Variants in KMT2B observed in about 807,000 individuals in gnomAD.
KMT2B encodes the protein histone-lysine N-methyltransferase 2B.
In KMT2B, 22 loss-of-function variants were observed where a neutral mutation model predicts 255.3. The ratio of observed to expected loss-of-function variants is 0.09; its 90% confidence interval spans 0.06 to 0.12. KMT2B has a LOEUF of 0.12. Ranked by LOEUF, KMT2B falls within the 10% of genes least tolerant of loss-of-function variation. KMT2B has a pLI of 1.00. For synonymous variants in KMT2B, 1,730 were observed against 1,498.1 expected, an observed-to-expected ratio of 1.15 and a Z score of -3.57; for missense variants, 3,149 against 3,737.0, an observed-to-expected ratio of 0.84 and a Z score of 4.10.
intron 5 of KMT2B, 117 bp from the exon 6 acceptor site, chr19:35,722,878 G>A (rs1969277423): frequency 2.8e-6 from 4 of 1,418,248 alleles, no homozygotes; most frequent in Non-Finnish European, 3.7e-6. Context: ...TCATTTGGGG[G>A]CACCAGGAAC....
In KMT2B at chr19:35,727,869, A is replaced by T. The variant is rs540713866; in HGVS notation, c.4393-12A>T. 6.2e-7 allele frequency: 1 copy of T among 1,609,768 alleles called. No individual in the cohort carries two copies. Among genetic ancestry groups the T allele is most frequent in the Non-Finnish European group, 8.5e-7 (1 of 1,177,100 alleles). ...GCAGAGGGGACTCAGTCTCTGACAA[A>T]CCCCCTTACAGCACAGCTTCATGGA... On this transcript the variant is annotated splice_polypyrimidine_tract_variant and intron_variant, in intron 17 of 36. Coordinates refer to ENST00000420124, the MANE Select transcript of KMT2B (RefSeq NM_014727.3). This position sits in a 1 kb window ranked among gnomAD's most constrained non-coding sequence, Gnocchi z 4.2.
chr19:35,732,039 C>T lies in KMT2B; in HGVS notation c.5569C>T (p.Pro1857Ser), dbSNP rs1969717726. Reference protein sequence around the residue: ...PDSGSAPPPAPRSFSGARIKV... With the variant: ...PDSGSAPPPASRSFSGARIKV... ...TTCAGGCAGCGCCCCTCCTCCAGCC[C>T]CCCGTTCTTTTTCGGGGGCTCGAAT... Residue 1857 changes from proline to serine, a missense_variant, in exon 27 of 37, where the codon CCC (proline) becomes TCC (serine). Pro to Ser is a moderately conservative substitution (Grantham distance 74). Coordinates refer to ENST00000420124, the MANE Select transcript of KMT2B (RefSeq NM_014727.3). 1 of 1,612,876 alleles carries T rather than the reference C, an allele frequency of 6.2e-7. No homozygotes were observed. Among genetic ancestry groups the T allele is most frequent in the East Asian group, 2.2e-5 (1 of 44,818 alleles).
chr19:35,723,986 C>T lies in KMT2B; in HGVS notation c.3313C>T (p.Arg1105Cys), dbSNP rs1303371875. The change falls in exon 8 of 37, where the codon CGT becomes TGT. Residue 1105 changes from arginine to cysteine, a missense_variant. Around this residue, in one of 18 missense-constraint regions of KMT2B, gnomAD observed 136 missense variants for 137.3 expected, o/e 0.99. Coordinates refer to ENST00000420124, the MANE Select transcript of KMT2B (RefSeq NM_014727.3). This position sits in a 1 kb window ranked among gnomAD's most constrained non-coding sequence, Gnocchi z 7.5. ...SEPGGPPAPR[R>C]RTPRENELPL... ...GCCCGGGGGCCCCCCTGCTCCTCGG[C>T]GTCGGACCCCCCGAGAAAATGGTGC... The T allele has an allele frequency of 5.0e-6, 8 of 1,593,658 alleles. No homozygotes were observed. Among genetic ancestry groups the T allele is most frequent in the South Asian group, 1.1e-5 (1 of 90,514 alleles).
chr19:35,734,339 A>G (rs1245273819), intron 30 of KMT2B, among the ~76,000 whole-genome samples: 2 of 152,074 alleles, frequency 1.3e-5, no homozygotes, highest in Non-Finnish European at 2.9e-5. Flanking sequence ...TGTGGAGTCT[A>G]GCGTTGGTGT....
Position 35,738,030 on chromosome 19 carries a change from C to A in KMT2B, c.7743-32C>A, listed in dbSNP as rs754076871. The A allele has an allele frequency of 6.2e-7, 1 of 1,613,556 alleles. No homozygotes were observed. The highest frequency in any genetic ancestry group is 1.3e-5 in the African/African-American group (1 of 74,864). On this transcript the variant is annotated intron_variant, in intron 35 of 36. Coordinates refer to ENST00000420124, the MANE Select transcript of KMT2B (RefSeq NM_014727.3). This position sits in a 1 kb window ranked among gnomAD's most constrained non-coding sequence, Gnocchi z 8.7. Reference sequence around the variant, plus strand: ...TACTGTCTGGTTTCTGTCCCCCTCCCCCCTGAGTTCCCTGTTCATCCTGCC... The same window carrying A: ...TACTGTCTGGTTTCTGTCCCCCTCCACCCTGAGTTCCCTGTTCATCCTGCC...
At chr19:35,736,882 G>A (rs1304869523) in intron 31 of KMT2B, 30 bp from the exon 32 acceptor site, 3 of 1,613,936 alleles carry the variant, frequency 1.9e-6, no homozygotes, top group Non-Finnish European at 1.7e-6. Flanking sequence ...ACACCATCCT[G>A]ACTCAGCTCT....
chr19:35,736,886 C>T (rs1969937107), intron 31 of KMT2B, 26 bp from the exon 32 acceptor site: 1 of 1,613,948 alleles, frequency 6.2e-7, no homozygotes, highest in Non-Finnish European at 8.5e-7. Context: ...CATCCTGACT[C>T]AGCTCTGGCT....
In KMT2B at chr19:35,736,979, C is replaced by G. The variant is rs750390246; in HGVS notation, c.7365C>G (p.Ser2455=). ...ARGHARLRHL[S]FSGMSGARLL... ...GGCATGCCCGACTCAGACATCTCTC[C>G]TTTAGTGGTAAGGAGTGGGCCCCAC... The change falls in exon 32 of 37, where the codon TCC becomes TCG. Residue 2455 remains serine (S), a synonymous_variant. Coordinates refer to ENST00000420124, the MANE Select transcript of KMT2B (RefSeq NM_014727.3). The G allele has an allele frequency of 3.1e-6, 5 of 1,613,618 alleles. No individual in the cohort carries two copies. Among genetic ancestry groups the G allele is most frequent in the Non-Finnish European group, 4.2e-6 (5 of 1,179,730 alleles).
rs3848662 is a variant in KMT2B at position 35,725,155 on chromosome 19, G to T, written c.3529-65G>T. 229,862 of 1,572,928 alleles carry T rather than the reference G, an allele frequency of 0.15. 18,351 individuals carry two copies. The highest frequency in any genetic ancestry group is 0.24 in the Middle Eastern group (1,467 of 5,994). ...AGAACCTCGATGACTGTGTCATCGAGAAGCCAGGTGGGTCTGCCTTGTATG... is the reference window on the plus strand; with the variant it reads ...AGAACCTCGATGACTGTGTCATCGATAAGCCAGGTGGGTCTGCCTTGTATG... On this transcript the variant is annotated intron_variant, in intron 10 of 36. Coordinates refer to ENST00000420124, the MANE Select transcript of KMT2B (RefSeq NM_014727.3). This position sits in a 1 kb window ranked among gnomAD's most constrained non-coding sequence, Gnocchi z 4.1.
chr19:35,718,897 G>A lies in KMT2B; in HGVS notation c.363+516G>A, dbSNP rs1336803574. On this transcript the variant is annotated intron_variant, in intron 1 of 36. Coordinates refer to ENST00000420124, the MANE Select transcript of KMT2B (RefSeq NM_014727.3). This position sits in a 1 kb window ranked among gnomAD's most constrained non-coding sequence, Gnocchi z 5.0. ...TGAACAGGAGTGGGATGAAGGCCGG[G>A]ACTGGGCACTCTAGCAGGTCAGAGC... Among the ~76,000 whole-genome samples the A allele has an allele frequency of 3.3e-5, 5 of 152,188 alleles. No individual in the cohort carries two copies. Among genetic ancestry groups the A allele is most frequent in the Admixed American group, 6.5e-5 (1 of 15,282 alleles).
At position 35,730,820 on chromosome 19, in the gene KMT2B, C is replaced by T. The variant is rs1969660835; in HGVS notation, c.5390C>T (p.Ala1797Val). ...GPREEPAHLEAAEENQTIVHS... is the reference protein window; with the variant it reads ...GPREEPAHLEVAEENQTIVHS... ...AGGGAAGAGCCAGCTCACCTGGAGG[C>T]TGCAGAGGAGAACCAGACCATTGTG... The change falls in exon 26 of 37, where the codon GCT becomes GTT. Residue 1797 changes from alanine (A) to valine (V), a missense_variant. Coordinates refer to ENST00000420124, the MANE Select transcript of KMT2B (RefSeq NM_014727.3). 6.2e-7 allele frequency: 1 copy of T among 1,613,384 alleles called. No individual in the cohort carries two copies. The highest frequency in any genetic ancestry group is 8.5e-7 in the Non-Finnish European group (1 of 1,179,676).
chr19:35,738,579 C>T lies in KMT2B; in HGVS notation c.*22C>T. 6.2e-7 allele frequency: 1 copy of T among 1,603,946 alleles called. No individual in the cohort carries two copies. Among genetic ancestry groups the T allele is most frequent in the South Asian group, 1.1e-5 (1 of 90,298 alleles). On this transcript the variant is annotated 3_prime_UTR_variant, in exon 37 of 37. Transcript: ENST00000420124. This position sits in a 1 kb window ranked among gnomAD's most constrained non-coding sequence, Gnocchi z 8.7. Reference sequence around the variant, plus strand: ...CTGAGGCCGTGGCTGCCCACCACGACCCCTCACACCTCCTGCTGCCGTCGC... The same window carrying T: ...CTGAGGCCGTGGCTGCCCACCACGATCCCTCACACCTCCTGCTGCCGTCGC...
rs764029479 is a variant in KMT2B at position 35,727,997 on chromosome 19, C to T, written c.4497+12C>T. The T allele has an allele frequency of 8.4e-6, 13 of 1,552,810 alleles. No homozygotes were observed. Among genetic ancestry groups the T allele is most frequent in the Middle Eastern group, 1.7e-4 (1 of 5,992 alleles). On this transcript the variant is annotated intron_variant, in intron 18 of 36. Coordinates refer to ENST00000420124, the MANE Select transcript of KMT2B (RefSeq NM_014727.3). This position sits in a 1 kb window ranked among gnomAD's most constrained non-coding sequence, Gnocchi z 4.2. The stretch of plus-strand genomic sequence containing the variant: ...GGCTCCTGCTGAAGGTGAGCTCTTC[C>T]GGGGATGCTTGTGGGGTGGGGGAGT...
intron 19 of KMT2B, among the ~76,000 whole-genome samples, chr19:35,728,510 G>T (rs1969557405): frequency 2.0e-5 from 3 of 151,708 alleles, no homozygotes; most frequent in Admixed American, 1.3e-4. Flanking sequence ...AGGGGTACCT[G>T]CTGGAGCCGA....
At chr19:35,721,905 G>A (rs531322970) in intron 3 of KMT2B, 101 bp downstream of exon 3, 21 of 1,420,744 alleles carry the variant, frequency 1.5e-5, no homozygotes, top group South Asian at 6.0e-5. Flanking sequence ...CCAGCATTGC[G>A]GGGAACCCTC....
At chr19:35,728,742 G>C (rs1413272024) in intron 19 of KMT2B, 32 bp from the exon 20 acceptor site, 2 of 1,574,438 alleles carry the variant, frequency 1.3e-6, no homozygotes, top group African/African-American at 2.7e-5. Flanking sequence ...CCCTTGTTGG[G>C]CACATCAGCT....
At position 35,732,234 on chromosome 19, in the gene KMT2B, C is replaced by G. The variant is rs758635755; in HGVS notation, c.5685C>G (p.Thr1895=). The G allele has an allele frequency of 1.2e-6, 2 of 1,600,854 alleles. No homozygotes were observed. Among genetic ancestry groups the G allele is most frequent in the Non-Finnish European group, 8.5e-7 (1 of 1,172,016 alleles). Residue 1895 remains threonine (T), a synonymous_variant, in exon 28 of 37, where the codon ACC becomes ACG. Transcript: ENST00000420124. The stretch of plus-strand genomic sequence containing the variant: ...CCACAGGAAGTCCATCTTCACTGAC[C>G]CACCACATCCCCACAGTGGGAGACC... ...LPSPGSPSSL[T]HHIPTVGDPD... is the part of the protein sequence containing the mutation.
In KMT2B at chr19:35,738,680, G is replaced by T; in HGVS notation, c.*123G>T. The T allele has an allele frequency of 8.8e-7, 1 of 1,141,918 alleles. No individual in the cohort carries two copies. Among genetic ancestry groups the T allele is most frequent in the Non-Finnish European group, 1.2e-6 (1 of 821,578 alleles). The allele number at this position is 1,141,918 out of a possible 1,614,324, so 70.7% of individuals were successfully genotyped here. A position where few individuals can be genotyped will look rare whatever the true frequency, so the allele number is the denominator to read the frequency against. The stretch of plus-strand genomic sequence containing the variant: ...CACCCCCACCCTCATGTTCAGGGTG[G>T]ATGTGGGCATGCAGGTGACAAGGGC... On this transcript the variant is annotated 3_prime_UTR_variant, in exon 37 of 37. Transcript: ENST00000420124. The surrounding 1 kb of genome is among the most constrained non-coding windows in gnomAD (Gnocchi z 8.7).
At position 35,728,966 on chromosome 19, in the gene KMT2B, C is replaced by T; in HGVS notation, c.4688-19C>T. ...TCCGGGTCCTGATTCTTAGACCTCC[C>T]TTCACATTTCCTCTTCAGCATTCCA... On this transcript the variant is annotated intron_variant, in intron 20 of 36. Coordinates refer to ENST00000420124, the MANE Select transcript of KMT2B (RefSeq NM_014727.3). 6.2e-7 allele frequency: 1 copy of T among 1,613,774 alleles called. No individual in the cohort carries two copies. Among genetic ancestry groups the T allele is most frequent in the South Asian group, 1.1e-5 (1 of 91,064 alleles).
Sources: allele counts gnomAD v4.1 joint callset (sites outside exome capture counted in the v4.1 genomes callset), GRCh38; gene constraint gnomAD v4.1.1; regional missense constraint gnomAD v4.1.1; non-coding constraint Gnocchi (gnomAD v3.1); transcripts MANE v1.5; gene names NCBI Gene and HGNC (gene_info 2026-07-23, HGNC 2026-07-21).